Variants in RSBN1L observed in about 807,000 individuals in gnomAD.
RSBN1L encodes the protein lysine-specific demethylase RSBN1L.
RSBN1L carries 30 observed loss-of-function variants against 67.7 expected under a neutral mutation model. The ratio of observed to expected loss-of-function variants is 0.44; its 90% CI spans 0.33 to 0.60. RSBN1L has a LOEUF of 0.60. Among genes scored for constraint, RSBN1L ranks in the 20% least tolerant of loss-of-function variants. The pLI, the probability that RSBN1L is intolerant of heterozygous loss-of-function variation, is 0.02. For missense variants in RSBN1L, 992 were observed against 1,031.7 expected (o/e 0.96, Z 0.53); for synonymous variants, 433 against 387.0 (o/e 1.12, Z -1.39).
chr7:77,733,346 T>C (rs2150419959), intron 1 of RSBN1L, among the ~76,000 whole-genome samples: 1 of 152,326 alleles, frequency 6.6e-6, no homozygotes. Flanking sequence ...TGTTTTGATA[T>C]CAGGAGGGGT....
At chr7:77,712,128 A>G (rs1790983289) in intron 1 of RSBN1L, among the ~76,000 whole-genome samples, 1 of 152,122 alleles carries the variant, frequency 6.6e-6, no homozygotes. Flanking sequence ...GTTCATTGTA[A>G]AAATAATTCA....
chr7:77,703,608 C>A (rs904789072), intron 1 of RSBN1L, among the ~76,000 whole-genome samples: 1 of 150,076 alleles, frequency 6.7e-6, no homozygotes, highest in Non-Finnish European at 1.5e-5. Flanking sequence ...CCTGCCTCAG[C>A]CTCCCAAGTA....
chr7:77,770,748 A>G (rs908376479), intron 5 of RSBN1L, among the ~76,000 whole-genome samples: 1 of 152,206 alleles, frequency 6.6e-6, no homozygotes, highest in Admixed American at 6.5e-5. Context: ...TATTCATGAC[A>G]TTTGAAAACA....
At chr7:77,724,918 C>T (rs1791175878) in intron 1 of RSBN1L, among the ~76,000 whole-genome samples, 1 of 150,972 alleles carries the variant, frequency 6.6e-6, no homozygotes, top group Non-Finnish European at 1.5e-5. Flanking sequence ...TCTCGGTTCA[C>T]TGCAACCTCC....
chr7:77,746,079 A>G (rs13233727), intron 2 of RSBN1L, among the ~76,000 whole-genome samples: 87,466 of 152,100 alleles, frequency 0.58, 27,028 homozygotes, highest in African/African-American at 0.81. Flanking sequence ...GTGACAGGCT[A>G]TGGACCAGTA....
Position 77,749,618 on chromosome 7 carries a change from A to C in RSBN1L, c.898A>C (p.Ile300Leu), listed in dbSNP as rs1404707318. 1 of 1,613,818 alleles carries C rather than the reference A, an allele frequency of 6.2e-7. No homozygotes were observed. Among genetic ancestry groups the C allele is most frequent in the Non-Finnish European group, 8.5e-7 (1 of 1,179,884 alleles). Reference sequence around the variant, plus strand: ...AGCCAAAGGCATCCTAAATGATAACATAAAAGATTACGTTGGGAAGAATTT... The same window carrying C: ...AGCCAAAGGCATCCTAAATGATAACCTAAAAGATTACGTTGGGAAGAATTT... ...QAAKGILNDN[I>L]KDYVGKNLDT... Residue 300 changes from isoleucine (I) to leucine (L), a missense_variant, in exon 3 of 8, where the codon ATA (isoleucine) becomes CTA (leucine). Ile to Leu is a conservative substitution (Grantham distance 5, BLOSUM62 2). Around this residue, in one of 7 missense-constraint regions of RSBN1L, gnomAD observed 575 missense variants for 483.2 expected, o/e 1.19. Transcript: ENST00000334955.
intron 3 of RSBN1L, among the ~76,000 whole-genome samples, chr7:77,759,289 A>G (rs1791666265): frequency 6.6e-6 from 1 of 152,214 alleles, no homozygotes; most frequent in Non-Finnish European, 1.5e-5. Context: ...TCTATACAAA[A>G]TATCGTGTCA....
intron 2 of RSBN1L, among the ~76,000 whole-genome samples, chr7:77,743,321 A>C (rs757441405): frequency 2.0e-5 from 3 of 152,054 alleles, no homozygotes. Context: ...TCTCTTGGCC[A>C]GGTGCAGTGG....
chr7:77,750,327 G>T (rs1311048677), intron 3 of RSBN1L, among the ~76,000 whole-genome samples: 4 of 121,010 alleles, frequency 3.3e-5, no homozygotes, highest in African/African-American at 1.0e-4. Flanking sequence ...TTTTTGCAAG[G>T]AGTGGTCTTG....
At chr7:77,767,527 C>T (rs1791785241) in intron 4 of RSBN1L, among the ~76,000 whole-genome samples, 1 of 151,748 alleles carries the variant, frequency 6.6e-6, no homozygotes, top group East Asian at 2.0e-4. Context: ...ACACACACTA[C>T]CATGCTAGGC....
At chr7:77,717,316 ATTTT>A (rs1386601904) in intron 1 of RSBN1L, among the ~76,000 whole-genome samples, 1 of 151,984 alleles carries the variant, frequency 6.6e-6, no homozygotes, top group East Asian at 1.9e-4. Flanking sequence ...TTCTTCTAGT[ATTTT>A]TATTTTTATG....
chr7:77,767,044 C>CTTCCCCTTCCCCTTCCCT, intron 4 of RSBN1L, among the ~76,000 whole-genome samples: 2 of 144,056 alleles, frequency 1.4e-5, no homozygotes, highest in Non-Finnish European at 3.1e-5. Context: ...TTCCCCTTCC[C>CTTCCCCTTCCCCTTCCCT]TTCCCCTTCC....
intron 1 of RSBN1L, among the ~76,000 whole-genome samples, chr7:77,721,685 C>T (rs1007710505): frequency 8.6e-5 from 13 of 152,018 alleles, no homozygotes; most frequent in South Asian, 6.2e-4. Context: ...TCAAGTAATC[C>T]GGAATCTTGT....
chr7:77,759,790 A>T (rs565770386), intron 3 of RSBN1L: 2 of 152,370 alleles, frequency 1.3e-5, no homozygotes, highest in East Asian at 3.9e-4. Context: ...ATACTAAAAC[A>T]AGTACAAAAA....
chr7:77,708,383 C>CTT (rs1305695156), intron 1 of RSBN1L, among the ~76,000 whole-genome samples: 79 of 112,932 alleles, frequency 7.0e-4, no homozygotes, highest in African/African-American at 2.1e-3. Context: ...CAGGATGAGA[C>CTT]TATTTTTTTT....
intron 2 of RSBN1L, among the ~76,000 whole-genome samples, chr7:77,746,947 A>ACCCCTGTGGCTGTGTAGGGTTCAG (rs1791491998): frequency 6.6e-6 from 1 of 152,138 alleles, no homozygotes; most frequent in African/African-American, 2.4e-5. Flanking sequence ...GGGTAGCCCC[A>ACCCCTGTGGCTGTGTAGGGTTCAG]CCCCTGTGGC....
chr7:77,749,983 T>A lies in RSBN1L; in HGVS notation c.1263T>A (p.Asn421Lys), dbSNP rs1257340537. The change falls in exon 3 of 8, where the codon AAT (asparagine) becomes AAA (lysine). Residue 421 changes from asparagine to lysine, a missense_variant. Asn to Lys is a moderately conservative substitution (Grantham distance 94, BLOSUM62 0). This residue lies in a region of RSBN1L where 63 missense variants were observed against 84.8 expected (regional missense o/e 0.74). Coordinates refer to ENST00000334955, the MANE Select transcript of RSBN1L (RefSeq NM_198467.3). ...LPDFLDYFSF[N>K]FPNSPVKMEI... ...ACTTTTTAGACTATTTTTCATTTAA[T>A]TTTCCCAATTCACCAGTGAAAATGG... 1 of 1,613,780 alleles carries A rather than the reference T, an allele frequency of 6.2e-7. No individual in the cohort carries two copies.
chr7:77,703,476 G>GTTTTTTTTTTTT (rs1562792479), intron 1 of RSBN1L, among the ~76,000 whole-genome samples: 3 of 101,554 alleles, frequency 3.0e-5, no homozygotes, highest in African/African-American at 1.1e-4. Flanking sequence ...CTACTGTTTG[G>GTTTTTTTTTTTT]GTTTTTTTTT....
intron 2 of RSBN1L, among the ~76,000 whole-genome samples, chr7:77,739,279 C>A (rs1187005387): frequency 1.3e-5 from 2 of 152,094 alleles, no homozygotes; most frequent in African/African-American, 4.8e-5. Flanking sequence ...TTATTCTATC[C>A]TTGTAATTTT....
Sources: gnomAD v4.1 joint callset for allele counts (sites outside exome capture counted in the v4.1 genomes callset) on GRCh38, gnomAD v4.1.1 for gene constraint, gnomAD v4.1.1 regional missense constraint, MANE v1.5 for transcripts, NCBI Gene and HGNC (gene_info 2026-07-23, HGNC 2026-07-21) for gene names.